SYBU: variants seen among roughly 807,000 people sequenced by gnomAD.
SYBU encodes the protein GOLSYN A protein.
A neutral mutation model predicts 35.9 loss-of-function variants in SYBU; 21 were observed. The observed-to-expected ratio is 0.58, with a 90% CI of 0.41 to 0.84. The LOEUF is 0.84. SYBU is among the 40% of genes least tolerant of loss of function. SYBU has a pLI of 0.00. For synonymous variants in SYBU, 319 were observed against 324.3 expected (o/e 0.98, Z 0.18); for missense variants, 768 against 848.2 (o/e 0.91, Z 1.17).
At chr8:109,582,770 A>T (rs1179353569) in intron 4 of SYBU, among the ~76,000 whole-genome samples, 1 of 152,196 alleles carries the variant, frequency 6.6e-6, no homozygotes, top group Non-Finnish European at 1.5e-5. Flanking sequence ...GGGGCTTTAA[A>T]AAGTGATTAA....
chr8:109,637,765 G>A (rs867928556), intron 2 of SYBU, among the ~76,000 whole-genome samples: 1 of 152,152 alleles, frequency 6.6e-6, no homozygotes, highest in Admixed American at 6.5e-5. Flanking sequence ...GTTTGGCAAG[G>A]CCTGGCAAAT....
At chr8:109,668,127 G>A (rs1315241203) in intron 1 of SYBU, among the ~76,000 whole-genome samples, 3 of 142,988 alleles carry the variant, frequency 2.1e-5, no homozygotes, top group Non-Finnish European at 4.5e-5. Context: ...GAATAAGGGA[G>A]GGAGGGGGGA....
At chr8:109,635,019 T>C (rs1814060439) in intron 2 of SYBU, among the ~76,000 whole-genome samples, 1 of 152,238 alleles carries the variant, frequency 6.6e-6, no homozygotes, top group Non-Finnish European at 1.5e-5. Context: ...ATTTTCACTG[T>C]AAATGCAATA....
chr8:109,641,328 T>C (rs1317157735), intron 2 of SYBU, among the ~76,000 whole-genome samples: 1 of 152,236 alleles, frequency 6.6e-6, no homozygotes, highest in African/African-American at 2.4e-5. Context: ...CATAGTTCCT[T>C]GTATTAAGAA....
At chr8:109,630,026 A>C (rs1813430698) in intron 2 of SYBU, among the ~76,000 whole-genome samples, 1 of 152,038 alleles carries the variant, frequency 6.6e-6, no homozygotes, top group South Asian at 2.1e-4. Flanking sequence ...ACCAACCCAA[A>C]TGTCCAACAA....
chr8:109,652,971 T>G (rs1487273436), intron 1 of SYBU, among the ~76,000 whole-genome samples: 1 of 152,222 alleles, frequency 6.6e-6, no homozygotes, highest in Non-Finnish European at 1.5e-5. Context: ...TCTATAACAC[T>G]TGTAATAAGC....
chr8:109,645,542 C>A (rs1156236627), upstream of SYBU: 1 of 327,924 alleles, frequency 3.0e-6, no homozygotes, highest in Admixed American at 3.8e-5. Context: ...TGGAATTGAA[C>A]TCAGAAAAAC....
intron 3 of SYBU, among the ~76,000 whole-genome samples, chr8:109,589,116 T>C (rs562684028): frequency 1.3e-5 from 2 of 152,220 alleles, no homozygotes; most frequent in Admixed American, 1.3e-4. Flanking sequence ...GCCAAGATCA[T>C]GCCACTGCAC....
At chr8:109,615,937 T>TTTCC (rs1412078426) in intron 3 of SYBU, among the ~76,000 whole-genome samples, 7 of 151,766 alleles carry the variant, frequency 4.6e-5, no homozygotes, top group African/African-American at 1.2e-4. Flanking sequence ...CTGTTTTTGT[T>TTTCC]TTCCTTCCTT....
chr8:109,644,876 C>A (rs993426804), upstream of SYBU: 72 of 571,244 alleles, frequency 1.3e-4, no homozygotes, highest in South Asian at 1.4e-3. Flanking sequence ...GTGCCGCACT[C>A]GCTAGAGGCA....
At position 109,579,966 on chromosome 8, in the gene SYBU, T is replaced by G. The variant is rs1227452373; in HGVS notation, c.567A>C (p.Ser189=). ...ATGATGGGCTGCTGCCAGGCTTGTGTGACGAAGCTCCATTACTCCGCCCAT... is the reference window on the plus strand; with the variant it reads ...ATGATGGGCTGCTGCCAGGCTTGTGGGACGAAGCTCCATTACTCCGCCCAT... ...GPHGRSNGAS[S]HKPGSSPSSP... Residue 189 remains serine, a synonymous_variant, in exon 5 of 7, where the codon TCA becomes TCC. Coordinates refer to ENST00000276646, the MANE Select transcript of SYBU (RefSeq NM_001099754.2). 4 of 1,613,342 alleles carry G rather than the reference T, an allele frequency of 2.5e-6. No individual in the cohort carries two copies. The Admixed American group carries it at 5.0e-5, about 20-fold the overall frequency.
intron 2 of SYBU, among the ~76,000 whole-genome samples, chr8:109,638,472 T>A (rs756940525): frequency 1.3e-5 from 2 of 151,944 alleles, no homozygotes; most frequent in African/African-American, 4.8e-5. Flanking sequence ...ACAAGAAACA[T>A]GGGGGAGAAA....
chr8:109,618,409 G>A (rs1812054227), intron 3 of SYBU, among the ~76,000 whole-genome samples: 1 of 152,100 alleles, frequency 6.6e-6, no homozygotes, highest in South Asian at 2.1e-4. Flanking sequence ...AGTATGCCCA[G>A]CTCTACATAT....
intron 1 of SYBU, among the ~76,000 whole-genome samples, chr8:109,655,457 A>G (rs543089002): frequency 2.0e-5 from 3 of 152,388 alleles, no homozygotes; most frequent in African/African-American, 7.2e-5. Context: ...TTAAGTGACC[A>G]AGTGAAATAA....
chr8:109,591,163 G>A (rs73702899), intron 3 of SYBU, among the ~76,000 whole-genome samples: 4,183 of 152,248 alleles, frequency 0.027, 166 homozygotes, highest in African/African-American at 0.09. Flanking sequence ...ATGATCCTGG[G>A]TGTGTCGAAG....
intron 1 of SYBU, among the ~76,000 whole-genome samples, chr8:109,678,666 C>G (rs1394811759): frequency 6.6e-6 from 1 of 151,996 alleles, no homozygotes; most frequent in Non-Finnish European, 1.5e-5. Context: ...GTCTCGATCT[C>G]CTGACATCGT....
chr8:109,609,887 C>A (rs1379046317), intron 3 of SYBU, among the ~76,000 whole-genome samples: 1 of 152,176 alleles, frequency 6.6e-6, no homozygotes, highest in Non-Finnish European at 1.5e-5. Context: ...CTAAGCCATC[C>A]AAATTTAGTG....
intron 1 of SYBU, among the ~76,000 whole-genome samples, chr8:109,660,921 A>T (rs1238913685): frequency 6.6e-6 from 1 of 152,224 alleles, no homozygotes; most frequent in East Asian, 1.9e-4. Flanking sequence ...CTACAAATCC[A>T]TAGTTGCTTA....
intron 3 of SYBU, among the ~76,000 whole-genome samples, chr8:109,606,573 G>A (rs1826088104): frequency 6.6e-6 from 1 of 152,114 alleles, no homozygotes; most frequent in Non-Finnish European, 1.5e-5. Flanking sequence ...TTTGGAGAAA[G>A]TGTCATCCAC....
Sources: allele counts gnomAD v4.1 joint callset (sites outside exome capture counted in the v4.1 genomes callset), GRCh38; gene constraint gnomAD v4.1.1; transcripts MANE v1.5; gene names NCBI Gene and HGNC (gene_info 2026-07-23, HGNC 2026-07-21).